The following OPRM1 variants were observed in gnomAD, a reference collection of about 807,000 sequenced individuals.
The protein encoded by OPRM1 is opioid receptor mu 1.
OPRM1 carries 27 observed loss-of-function variants against 31.8 expected under a neutral mutation model. That is an observed-to-expected ratio of 0.85 (90% CI 0.63 to 1.17). The LOEUF is 1.17. OPRM1 is among the 50% of genes most tolerant of loss of function. The probability of loss-of-function intolerance (pLI) is 0.00; values close to 1 mark genes in which losing one functional copy is unlikely to be tolerated. For synonymous variants in OPRM1, 196 were observed against 189.9 expected (o/e 1.03, Z -0.26); for missense variants, 536 against 511.1 (o/e 1.05, Z -0.47).
chr6:154,108,070 T>C (rs1397818716), intron 3 of OPRM1: 1 of 656,072 alleles, frequency 1.5e-6, no homozygotes, highest in African/African-American at 1.8e-5. Context: ...TTTGCCAGCA[T>C]GCCAGGCTTC....
chr6:154,181,266 TCTC>T (rs142267311), intron 3 of OPRM1, among the ~76,000 whole-genome samples: 53 of 152,270 alleles, frequency 3.5e-4, no homozygotes, highest in African/African-American at 1.2e-3. Flanking sequence ...GAGAGAGAAA[TCTC>T]CTATTTTTGT....
chr6:154,200,006 A>AGGG (rs1776933544), intron 3 of OPRM1: 3 of 1,613,960 alleles, frequency 1.9e-6, no homozygotes, highest in Non-Finnish European at 2.5e-6. Flanking sequence ...CGTTCCACTC[A>AGGG]GGCTGGGTGA....
At chr6:154,240,962 G>A (rs762726381) in intron 3 of OPRM1, among the ~76,000 whole-genome samples, 4 of 152,164 alleles carry the variant, frequency 2.6e-5, no homozygotes, top group Non-Finnish European at 4.4e-5. Context: ...TTGGGGCCAG[G>A]TGCGGTGGCT....
intron 3 of OPRM1, among the ~76,000 whole-genome samples, chr6:154,237,590 T>C (rs1057477676): frequency 6.6e-6 from 1 of 152,196 alleles, no homozygotes; most frequent in Non-Finnish European, 1.5e-5. Flanking sequence ...TAGCTTTGAA[T>C]AATATAGAGA....
intron 1 of OPRM1, among the ~76,000 whole-genome samples, chr6:154,064,328 A>T (rs1484522161): frequency 1.3e-5 from 2 of 151,958 alleles, no homozygotes; most frequent in African/African-American, 4.8e-5. Context: ...CTATTTTTTA[A>T]ATTGGGTTGT....
intron 3 of OPRM1, among the ~76,000 whole-genome samples, chr6:154,148,362 C>T: frequency 6.6e-6 from 1 of 152,144 alleles, no homozygotes; most frequent in East Asian, 1.9e-4. Context: ...AACATGATAC[C>T]TTATTGGGAC....
chr6:154,211,238 A>G (rs888131194), intron 3 of OPRM1, among the ~76,000 whole-genome samples: 1 of 152,000 alleles, frequency 6.6e-6, no homozygotes, highest in Non-Finnish European at 1.5e-5. Flanking sequence ...AACACGGTGA[A>G]ATCCCGTCTC....
At chr6:154,103,989 C>T (rs1345103273) in intron 3 of OPRM1, among the ~76,000 whole-genome samples, 1 of 152,222 alleles carries the variant, frequency 6.6e-6, no homozygotes, top group African/African-American at 2.4e-5. Context: ...TTTTACTCAG[C>T]TCTTATTCAA....
At chr6:154,011,474 T>C (rs1190757195) in intron 1 of OPRM1, among the ~76,000 whole-genome samples, 5 of 152,188 alleles carry the variant, frequency 3.3e-5, no homozygotes, top group African/African-American at 1.2e-4. Context: ...TTTTTTAGTG[T>C]AAACATAAAC....
At chr6:154,179,023 T>A (rs1489605110) in intron 3 of OPRM1, among the ~76,000 whole-genome samples, 1 of 152,230 alleles carries the variant, frequency 6.6e-6, no homozygotes, top group Non-Finnish European at 1.5e-5. Flanking sequence ...ACTCAGGGGA[T>A]GCACTGTGCC....
intron 3 of OPRM1, among the ~76,000 whole-genome samples, chr6:154,194,098 C>A (rs533108086): frequency 1.3e-5 from 2 of 152,150 alleles, no homozygotes; most frequent in Non-Finnish European, 2.9e-5. Flanking sequence ...CGCTCCTCAA[C>A]GTTTCAAACT....
rs532804634 is a variant in OPRM1, at chr6:154,074,847, A to C, written c.291-14979A>C. Among the ~76,000 whole-genome samples, 40 of 152,254 alleles carry C rather than the reference A, an allele frequency of 2.6e-4. No individual in the cohort carries two copies. The South Asian group carries it at 2.7e-3, about 10-fold the overall frequency. On this transcript the variant is annotated intron_variant, in intron 1 of 3. Coordinates refer to ENST00000330432, the MANE Select transcript of OPRM1 (RefSeq NM_000914.5). ...GGAAATGGAGAGTATGAAGAAACAC[A>C]AAAGATACTAGAAGGATAGACACGG...
intron 3 of OPRM1, among the ~76,000 whole-genome samples, chr6:154,166,784 T>G (rs1045534374): frequency 6.6e-6 from 1 of 152,164 alleles, no homozygotes; most frequent in African/African-American, 2.4e-5. Context: ...AAGAAGACAG[T>G]AAAATCCCAA....
At chr6:154,056,752 G>A (rs922666550) in intron 1 of OPRM1, among the ~76,000 whole-genome samples, 1 of 152,000 alleles carries the variant, frequency 6.6e-6, no homozygotes, top group African/African-American at 2.4e-5. Flanking sequence ...TTTTCCGGGG[G>A]AGTATTAAAT....
Position 154,091,249 on chromosome 6 carries a change from C to G in OPRM1, c.941C>G (p.Thr314Arg), listed in dbSNP as rs759812386. The change falls in exon 3 of 4, where the codon ACG becomes AGG. Residue 314 changes from threonine (T) to arginine (R), a missense_variant. Transcript: ENST00000330432. Reference protein sequence around the residue: ...IKALVTIPETTFQTVSWHFCI... With the variant: ...IKALVTIPETRFQTVSWHFCI... ...GCCTTGGTTACAATCCCAGAAACTA[C>G]GTTCCAGACTGTTTCTTGGCACTTC... 3.7e-6 allele frequency: 6 copies of G among 1,614,180 alleles called. No individual in the cohort carries two copies. The South Asian group carries it at 6.6e-5, about 18-fold the overall frequency.
intron 3 of OPRM1, among the ~76,000 whole-genome samples, chr6:154,206,846 C>G (rs1030977729): frequency 7.2e-5 from 11 of 152,354 alleles, no homozygotes; most frequent in African/African-American, 2.6e-4. Flanking sequence ...TTTTGGGGAA[C>G]AGCAGGCCGT....
At position 154,207,558 on chromosome 6, in the gene OPRM1, G is replaced by GTT. The variant is rs113093778; in HGVS notation, c.1165-39135_1165-39134insTT. On this transcript the variant is annotated intron_variant, in intron 3 of 3. Transcript: ENST00000337049. ...CTCCTTCTGTGTTTAAACTTTTTGG[G>GTT]GTTTTTTTTGTTTTTTTGTTTTTCT... 9.3e-4 allele frequency among the ~76,000 whole-genome samples: 140 copies of GTT among 151,136 alleles called. No homozygotes were observed. The Middle Eastern group carries it at 0.014, about 15-fold the overall frequency.
chr6:154,151,363 G>A (rs73576501), intron 3 of OPRM1, among the ~76,000 whole-genome samples: 9,871 of 152,178 alleles, frequency 0.065, 928 homozygotes, highest in African/African-American at 0.21. Flanking sequence ...GTCCCTGGGG[G>A]AAGCCCTGGA....
chr6:154,148,934 A>T (rs1798424833), intron 3 of OPRM1, among the ~76,000 whole-genome samples: 1 of 152,238 alleles, frequency 6.6e-6, no homozygotes, highest in South Asian at 2.1e-4. Flanking sequence ...TTTTTTGAGT[A>T]GTTCCTGGAA....
Sources: gnomAD v4.1 joint callset for allele counts (sites outside exome capture counted in the v4.1 genomes callset) on GRCh38, gnomAD v4.1.1 for gene constraint, MANE v1.5 for transcripts, NCBI Gene and HGNC (gene_info 2026-07-23, HGNC 2026-07-21) for gene names.